Variants in STRN observed in about 807,000 individuals in gnomAD.
The protein encoded by STRN is protein phosphatase 2 regulatory subunit B'''alpha.
A neutral mutation model predicts 96.3 loss-of-function variants in STRN; 53 were observed. The observed-to-expected ratio is 0.55, with a 90% CI of 0.44 to 0.69. The LOEUF (loss-of-function observed/expected upper bound fraction) is 0.69, where lower values mean the gene tolerates loss of function less well. Among genes scored for constraint, STRN ranks in the 30% least tolerant of loss-of-function variants. The pLI, the probability that STRN is intolerant of heterozygous loss-of-function variation, is 0.00. For synonymous variants in STRN, 428 were observed against 355.9 expected (o/e 1.20, Z -2.28); for missense variants, 987 against 963.9 (o/e 1.02, Z -0.32).
chr2:36,937,731 T>C (rs1670743186), intron 1 of STRN, among the ~76,000 whole-genome samples: 1 of 151,714 alleles, frequency 6.6e-6, no homozygotes, highest in Non-Finnish European at 1.5e-5. Context: ...GAAAAGAAAT[T>C]TGCTGCATAG....
intron 3 of STRN, among the ~76,000 whole-genome samples, chr2:36,912,649 G>GT (rs1364212196): frequency 2.6e-5 from 4 of 152,080 alleles, no homozygotes; most frequent in Middle Eastern, 3.2e-3. Context: ...CAGCTCCTGG[G>GT]TGACTGTTTC....
At chr2:36,897,112 A>C (rs1387330449) in intron 6 of STRN, among the ~76,000 whole-genome samples, 1 of 152,054 alleles carries the variant, frequency 6.6e-6, no homozygotes, top group Non-Finnish European at 1.5e-5. Context: ...GGTTGCAGTC[A>C]GCTGAGATTA....
chr2:36,886,525 G>A (rs748126853), intron 8 of STRN, among the ~76,000 whole-genome samples, 191 bp downstream of exon 8: 2 of 152,006 alleles, frequency 1.3e-5, no homozygotes, highest in Non-Finnish European at 2.9e-5. Context: ...GTACATGTGG[G>A]TTGTTTTCTT....
intron 1 of STRN, among the ~76,000 whole-genome samples, chr2:36,956,475 G>A (rs1484026299): frequency 6.6e-6 from 1 of 152,120 alleles, no homozygotes; most frequent in Non-Finnish European, 1.5e-5. Context: ...GGCCACCGAG[G>A]CAAGAAACGC....
chr2:36,881,531 G>A (rs1366837321), intron 9 of STRN, among the ~76,000 whole-genome samples: 1 of 152,172 alleles, frequency 6.6e-6, no homozygotes, highest in Non-Finnish European at 1.5e-5. Flanking sequence ...AGACCAAGAA[G>A]TATCAGTTAT....
chr2:36,957,744 C>CTTTTTTTTTTTTTTT lies in STRN; in HGVS notation c.234+8471_234+8485dup, dbSNP rs1159531782. The stretch of plus-strand genomic sequence containing the variant: ...TTAGTCTCATAGTTCTTCTTTTTGT[C>CTTTTTTTTTTTTTTT]TTTTTTTTTTTTTTTTTTTTTTTTT... On this transcript the variant is annotated intron_variant, in intron 1 of 17. Transcript: ENST00000263918. Among the ~76,000 whole-genome samples, 39 of 89,192 alleles carry CTTTTTTTTTTTTTTT rather than the reference C, an allele frequency of 4.4e-4. 3 individuals are homozygous for CTTTTTTTTTTTTTTT. Among genetic ancestry groups the CTTTTTTTTTTTTTTT allele is most frequent in the East Asian group, 1.1e-3 (2 of 1,796 alleles). The allele number at this position is 89,192 out of a possible 152,430, so 58.5% of individuals were successfully genotyped here. A position where few individuals can be genotyped will look rare whatever the true frequency, so the allele number is the denominator to read the frequency against.
chr2:36,919,427 C>A (rs1260658157), intron 2 of STRN, among the ~76,000 whole-genome samples: 5 of 151,602 alleles, frequency 3.3e-5, no homozygotes, highest in Admixed American at 3.3e-4. Flanking sequence ...GTTTTCCAAT[C>A]AAAATGGATT....
intron 1 of STRN, among the ~76,000 whole-genome samples, chr2:36,943,699 G>T (rs1284819601): frequency 6.6e-6 from 1 of 152,102 alleles, no homozygotes; most frequent in African/African-American, 2.4e-5. Flanking sequence ...AGCTACTGGG[G>T]AGGCTGAGGC....
intron 1 of STRN, among the ~76,000 whole-genome samples, chr2:36,959,961 T>C (rs534047287): frequency 6.0e-4 from 91 of 152,150 alleles, no homozygotes; most frequent in Non-Finnish European, 1.0e-3. Context: ...AACACTGAAC[T>C]GAAGAGACAA....
chr2:36,854,615 G>C (rs568750146), intron 15 of STRN, among the ~76,000 whole-genome samples: 1 of 152,276 alleles, frequency 6.6e-6, no homozygotes, highest in African/African-American at 2.4e-5. Flanking sequence ...ATTAAAACAA[G>C]AGTATATGTA....
intron 4 of STRN, among the ~76,000 whole-genome samples, chr2:36,903,462 T>C (rs900322750): frequency 1.3e-5 from 2 of 152,156 alleles, no homozygotes; most frequent in African/African-American, 4.8e-5. Flanking sequence ...GTACCTGGCA[T>C]ATAGAAAGGA....
intron 14 of STRN, among the ~76,000 whole-genome samples, chr2:36,857,547 G>T (rs990003987): frequency 1.5e-4 from 23 of 151,730 alleles, no homozygotes; most frequent in Admixed American, 8.5e-4. Flanking sequence ...GCGTGGTGGT[G>T]TGTGCTGGAG....
At position 36,855,224 on chromosome 2, in the gene STRN, T is replaced by G. The variant is rs1380704108; in HGVS notation, c.1966A>C (p.Asn656His). The G allele has an allele frequency of 6.2e-7, 1 of 1,613,686 alleles. No homozygotes were observed. The highest frequency in any genetic ancestry group is 1.1e-5 in the South Asian group (1 of 91,014). The change falls in exon 15 of 18, where the codon AAT (asparagine) becomes CAT (histidine). Residue 656 changes from asparagine (N) to histidine (H), a missense_variant. Asn to His is a moderately conservative substitution (Grantham distance 68, BLOSUM62 1). Transcript: ENST00000263918. The stretch of plus-strand genomic sequence containing the variant: ...TTGGTATGCATACTTGTATCTACAT[T>G]GGATTCTAAAGTGAGAATGCGTTGT... ...TQQRILTLES[N>H]VDTTANSSCQ...
In STRN at chr2:36,893,775, T is replaced by C. The variant is rs535995731; in HGVS notation, c.931+123A>G. On this transcript the variant is annotated intron_variant, in intron 7 of 17. Transcript: ENST00000263918. ...ATTCACCCTGGATAAAGGGTGCTAGTAGTAATAAGTTCACAGAATGCTCAA... is the reference window on the plus strand; with the variant it reads ...ATTCACCCTGGATAAAGGGTGCTAGCAGTAATAAGTTCACAGAATGCTCAA... 42 of 1,172,640 alleles carry C rather than the reference T, an allele frequency of 3.6e-5. No homozygotes were observed. In the African/African-American group the frequency reaches 4.7e-4, roughly 13 times the overall value. 72.6% of individuals were successfully genotyped at this position (1,172,640 alleles called of 1,614,324 possible). A position where few individuals can be genotyped will look rare whatever the true frequency, so the allele number is the denominator to read the frequency against.
rs1340048414 is a variant in STRN at position 36,848,046 on chromosome 2, A to G, written c.*1410T>C. 2 of 152,202 alleles carry G rather than the reference A, an allele frequency of 1.3e-5. No homozygotes were observed. The highest frequency in any genetic ancestry group is 1.5e-5 in the Non-Finnish European group (1 of 68,014). 9.4% of individuals were successfully genotyped at this position (152,202 alleles called of 1,614,324 possible). Reference sequence around the variant, plus strand: ...AAACCACTATAGAAATAATGTCTTTATGACAGGAGACTAGGTCTAGATAGC... The same window carrying G: ...AAACCACTATAGAAATAATGTCTTTGTGACAGGAGACTAGGTCTAGATAGC... On this transcript the variant is annotated 3_prime_UTR_variant, in exon 18 of 18. Transcript: ENST00000263918.
Position 36,849,694 on chromosome 2 carries a change from T to A in STRN, c.2173+20A>T, listed in dbSNP as rs1174110599. ...GAAAATGGTAAGGACAAATAAATAATCCATAGTTGAGGTACTTACTGCCAG... is the reference window on the plus strand; with the variant it reads ...GAAAATGGTAAGGACAAATAAATAAACCATAGTTGAGGTACTTACTGCCAG... On this transcript the variant is annotated intron_variant, in intron 17 of 17. Coordinates refer to ENST00000263918, the MANE Select transcript of STRN (RefSeq NM_003162.4). 1.9e-6 allele frequency: 3 copies of A among 1,613,378 alleles called. No homozygotes were observed. Among genetic ancestry groups the A allele is most frequent in the Middle Eastern group, 1.6e-4 (1 of 6,084 alleles).
At chr2:36,886,646 T>C (rs1012194752) in intron 8 of STRN, 70 bp downstream of exon 8, 16 of 1,259,952 alleles carry the variant, frequency 1.3e-5, no homozygotes, top group South Asian at 8.8e-5. Context: ...TAGGAAAACA[T>C]TGAAAAAAAA....
At chr2:36,893,511 T>G (rs1193344634) in intron 7 of STRN, among the ~76,000 whole-genome samples, 1 of 152,198 alleles carries the variant, frequency 6.6e-6, no homozygotes, top group African/African-American at 2.4e-5. Flanking sequence ...CTGACTACAA[T>G]TTTTTAACTC....
rs1667973881 is a variant in STRN at position 36,842,407 on chromosome 2, AG to A, written c.*7048del. The A allele has an allele frequency of 6.6e-6, 1 of 152,206 alleles. No individual in the cohort carries two copies. The highest frequency in any genetic ancestry group is 2.1e-4 in the South Asian group (1 of 4,828). 9.4% of individuals were successfully genotyped at this position (152,206 alleles called of 1,614,324 possible). A position where few individuals can be genotyped will look rare whatever the true frequency, so the allele number is the denominator to read the frequency against. ...TATAGTACTCCAAGTGCTGTTTAAC[AG>A]ATGTTTTACTGTGGGCTCTCCTTTA... On this transcript the variant is annotated 3_prime_UTR_variant, in exon 18 of 18. Transcript: ENST00000263918.
Sources: allele counts gnomAD v4.1 joint callset (sites outside exome capture counted in the v4.1 genomes callset), GRCh38; gene constraint gnomAD v4.1.1; transcripts MANE v1.5; gene names NCBI Gene and HGNC (gene_info 2026-07-23, HGNC 2026-07-21).